Variants in TASP1 observed in about 807,000 individuals in gnomAD.
The protein encoded by TASP1 is threonine aspartase 1.
Under a neutral mutation model 56.6 loss-of-function variants are expected in TASP1, and 16 were observed. The ratio of observed to expected loss-of-function variants is 0.28; its 90% CI spans 0.19 to 0.43. The LOEUF (loss-of-function observed/expected upper bound fraction) is 0.43, where lower values mean the gene tolerates loss of function less well. Ranked by LOEUF, TASP1 falls within the 20% of genes least tolerant of loss-of-function variation. The pLI is 1.00. For synonymous variants in TASP1, 179 were observed against 184.2 expected, an observed-to-expected ratio of 0.97 and a Z score of 0.23; for missense variants, 393 against 511.6, an observed-to-expected ratio of 0.77 and a Z score of 2.24.
chr20:13,133,514 A>G, the TASP1 span, among the ~76,000 whole-genome samples: 1 of 152,158 alleles, frequency 6.6e-6, no homozygotes, highest in African/African-American at 2.4e-5. Context: ...TGAGTGGATC[A>G]CTTGAGGTCA....
Position 13,390,464 on chromosome 20 carries a change from G to C in TASP1, c.1171-12C>G. ...CTTGAAATGTGAGTCTGCAGAGAGA[G>C]AGAGACAGCAGAGCATCAGAGGGGT... On this transcript the variant is annotated splice_polypyrimidine_tract_variant and intron_variant, in intron 13 of 13. Coordinates refer to ENST00000337743, the MANE Select transcript of TASP1 (RefSeq NM_017714.3). 6.2e-7 allele frequency: 1 copy of C among 1,612,294 alleles called. No individual in the cohort carries two copies. Among genetic ancestry groups the C allele is most frequent in the Non-Finnish European group, 8.5e-7 (1 of 1,179,048 alleles).
At position 13,576,387 on chromosome 20, in the gene TASP1, A is replaced by AAG. The variant is rs1289817054; in HGVS notation, c.488+4508_488+4509dup. Among the ~76,000 whole-genome samples, 23 of 148,882 alleles carry AAG rather than the reference A, an allele frequency of 1.5e-4. No individual in the cohort carries two copies. In the South Asian group the frequency reaches 4.9e-3, roughly 32 times the overall value. ...AAAGAAAGAAAGAAAGAAAGAAAGA[A>AAG]AGAAAGAAAGTCAGTCTTATGGAAT... On this transcript the variant is annotated intron_variant, in intron 6 of 13. Transcript: ENST00000337743.
intron 6 of TASP1, among the ~76,000 whole-genome samples, chr20:13,577,639 T>C (rs2046970070): frequency 6.6e-6 from 1 of 152,106 alleles, no homozygotes; most frequent in Non-Finnish European, 1.5e-5. Context: ...TACACCCCTA[T>C]CTCTAGTGTA....
At chr20:13,507,327 G>A (rs149881273) in intron 10 of TASP1, among the ~76,000 whole-genome samples, 3 of 152,264 alleles carry the variant, frequency 2.0e-5, no homozygotes, top group African/African-American at 7.2e-5. Flanking sequence ...GAGTCCAGGA[G>A]TTTGAGACCA....
intron 11 of TASP1, among the ~76,000 whole-genome samples, chr20:13,449,319 T>C (rs749434449): frequency 6.6e-6 from 1 of 152,102 alleles, no homozygotes; most frequent in Non-Finnish European, 1.5e-5. Context: ...TAAAGAACAT[T>C]ATACATTTAG....
At chr20:13,558,337 C>T (rs964070757) in intron 8 of TASP1, among the ~76,000 whole-genome samples, 3 of 152,102 alleles carry the variant, frequency 2.0e-5, no homozygotes, top group African/African-American at 2.4e-5. Flanking sequence ...TCCCTAAAAA[C>T]GCCTGAATAC....
At chr20:13,481,705 C>A (rs1465005702) in intron 11 of TASP1, among the ~76,000 whole-genome samples, 1 of 152,054 alleles carries the variant, frequency 6.6e-6, no homozygotes, top group Non-Finnish European at 1.5e-5. Context: ...TGCCTGTTTG[C>A]AATTTTTATG....
At chr20:13,553,920 A>G (rs1487129993) in intron 8 of TASP1, among the ~76,000 whole-genome samples, 1 of 152,156 alleles carries the variant, frequency 6.6e-6, no homozygotes, top group Non-Finnish European at 1.5e-5. Flanking sequence ...AACTCACCCA[A>G]TTTCCTAGGC....
At chr20:13,225,448 T>TA in the TASP1 span, among the ~76,000 whole-genome samples, 1 of 152,192 alleles carries the variant, frequency 6.6e-6, no homozygotes, top group South Asian at 2.1e-4. Flanking sequence ...TACACATACA[T>TA]TATATATACA....
At chr20:13,118,448 G>GAAAAA in the TASP1 span, among the ~76,000 whole-genome samples, 163 of 108,624 alleles carry the variant, frequency 1.5e-3, 10 homozygotes, top group Admixed American at 3.6e-3. Flanking sequence ...AGAGGTTTGT[G>GAAAAA]GAAAAAAAAA....
At chr20:13,440,593 C>T (rs184956725) in intron 11 of TASP1, among the ~76,000 whole-genome samples, 29 of 148,920 alleles carry the variant, frequency 1.9e-4, no homozygotes, top group Admixed American at 8.7e-4. Flanking sequence ...AAGACTTGTA[C>T]AAGAAATGAA....
the TASP1 span, among the ~76,000 whole-genome samples, chr20:13,294,739 CTA>C: frequency 1.4e-4 from 21 of 152,190 alleles, no homozygotes; most frequent in Admixed American, 1.4e-3. Flanking sequence ...CAGCCACAGC[CTA>C]TCCCAGCTGG....
the TASP1 span, among the ~76,000 whole-genome samples, chr20:13,273,112 G>A: frequency 6.6e-6 from 1 of 152,144 alleles, no homozygotes; most frequent in Non-Finnish European, 1.5e-5. Context: ...CTTTGTGCTT[G>A]AACCCAATTT....
chr20:13,588,318 AAG>A (rs1189884346), intron 4 of TASP1, among the ~76,000 whole-genome samples: 8 of 73,156 alleles, frequency 1.1e-4, no homozygotes, highest in African/African-American at 1.8e-4. Flanking sequence ...AGAGAAAGAA[AAG>A]GAAGGAAGGA....
At chr20:13,462,108 T>C (rs142237337) in intron 11 of TASP1, among the ~76,000 whole-genome samples, 195 of 152,154 alleles carry the variant, frequency 1.3e-3, no homozygotes, top group African/African-American at 4.5e-3. Context: ...AGAAAAAAAA[T>C]AAATCTCTCT....
intron 13 of TASP1, among the ~76,000 whole-genome samples, chr20:13,397,485 T>C (rs897150088): frequency 6.6e-6 from 1 of 151,796 alleles, no homozygotes; most frequent in Admixed American, 6.6e-5. Flanking sequence ...AGTGGAAAAA[T>C]TGAGATGTGA....
intron 13 of TASP1, among the ~76,000 whole-genome samples, chr20:13,404,167 T>A (rs542044714): frequency 3.3e-5 from 5 of 152,320 alleles, no homozygotes; most frequent in Non-Finnish European, 4.4e-5. Context: ...AAACTTCATA[T>A]AAATAGAATA....
chr20:13,605,339 T>C (rs913792482), intron 4 of TASP1, among the ~76,000 whole-genome samples: 6 of 152,182 alleles, frequency 3.9e-5, no homozygotes, highest in Non-Finnish European at 8.8e-5. Context: ...TAAATTATAC[T>C]CCAATAAAGC....
chr20:13,550,147 T>TACACAC (rs149572327), intron 8 of TASP1, among the ~76,000 whole-genome samples: 16,789 of 135,212 alleles, frequency 0.12, 1,091 homozygotes, highest in East Asian at 0.22. Context: ...TATATACACA[T>TACACAC]ACACACACAC....
Sources: allele counts gnomAD v4.1 joint callset (sites outside exome capture counted in the v4.1 genomes callset), GRCh38; gene constraint gnomAD v4.1.1; transcripts MANE v1.5; gene names NCBI Gene and HGNC (gene_info 2026-07-23, HGNC 2026-07-21).